Variants in FAF1 observed in about 807,000 individuals in gnomAD.
The protein encoded by FAF1 is Fas associated factor 1.
FAF1 carries 25 observed loss-of-function variants against 92.5 expected under a neutral mutation model. The ratio of observed to expected loss-of-function variants is 0.27; its 90% confidence interval spans 0.20 to 0.38. The LOEUF is 0.38. FAF1 is among the 10% of genes least tolerant of loss of function. The pLI is 1.00. For synonymous variants in FAF1, 234 were observed against 273.2 expected, an observed-to-expected ratio of 0.86 and a Z score of 1.42; for missense variants, 636 against 793.3, an observed-to-expected ratio of 0.80 and a Z score of 2.38.
intron 8 of FAF1, among the ~76,000 whole-genome samples, chr1:50,600,328 A>G (rs1187652691): frequency 1.3e-5 from 2 of 152,190 alleles, no homozygotes; most frequent in African/African-American, 2.4e-5. Flanking sequence ...CAAGACCAAT[A>G]TTCTCCAAAT....
At chr1:50,656,556 T>C (rs1655121841) in intron 7 of FAF1, among the ~76,000 whole-genome samples, 2 of 152,076 alleles carry the variant, frequency 1.3e-5, no homozygotes, top group Non-Finnish European at 2.9e-5. Flanking sequence ...CAGAATAAAG[T>C]GTTGGAAGGT....
chr1:50,758,074 T>C (rs2124521728), intron 4 of FAF1, among the ~76,000 whole-genome samples: 1 of 152,274 alleles, frequency 6.6e-6, no homozygotes. Context: ...CATGCTACCA[T>C]GTCCAGCTAA....
chr1:50,496,382 AGTAT>A (rs1478700904), intron 15 of FAF1, among the ~76,000 whole-genome samples: 4 of 152,240 alleles, frequency 2.6e-5, no homozygotes, highest in African/African-American at 9.6e-5. Context: ...AAACATAACA[AGTAT>A]GTTCAAAAGC....
chr1:50,784,066 C>T (rs1661276018), intron 4 of FAF1, among the ~76,000 whole-genome samples: 2 of 152,154 alleles, frequency 1.3e-5, no homozygotes, highest in Middle Eastern at 3.4e-3. Context: ...ATATGAAAGT[C>T]CCACAGCTAA....
At position 50,439,797 on chromosome 1, in the gene FAF1, T is replaced by C. The variant is rs1452787694; in HGVS notation, c.*1643A>G. The C allele has an allele frequency of 6.6e-6, 1 of 152,134 alleles. No homozygotes were observed. The highest frequency in any genetic ancestry group is 1.5e-5 in the Non-Finnish European group (1 of 68,018). The allele number at this position is 152,134 out of a possible 1,614,324, so 9.4% of individuals were successfully genotyped here. On this transcript the variant is annotated 3_prime_UTR_variant, in exon 19 of 19. Coordinates refer to ENST00000396153, the MANE Select transcript of FAF1 (RefSeq NM_007051.3). ...AGATAGGAATAGAGCTGGAGAGAAGTGTTCAGTTTGAACTCCCCTGAACAC... is the reference window on the plus strand; with the variant it reads ...AGATAGGAATAGAGCTGGAGAGAAGCGTTCAGTTTGAACTCCCCTGAACAC...
chr1:50,631,297 G>C (rs893919251), intron 8 of FAF1, among the ~76,000 whole-genome samples: 2 of 152,078 alleles, frequency 1.3e-5, no homozygotes, highest in African/African-American at 4.8e-5. Context: ...GTTTTAAATT[G>C]CATGCCATAC....
intron 17 of FAF1, among the ~76,000 whole-genome samples, chr1:50,480,156 TC>T (rs1371766113): frequency 5.3e-5 from 8 of 152,174 alleles, no homozygotes; most frequent in African/African-American, 1.9e-4. Flanking sequence ...TACTTTTTTT[TC>T]TACTAAAAAT....
intron 8 of FAF1, among the ~76,000 whole-genome samples, chr1:50,615,814 T>C (rs1652889910): frequency 6.6e-6 from 1 of 152,196 alleles, no homozygotes; most frequent in Non-Finnish European, 1.5e-5. Context: ...TGTCATTTAC[T>C]CCGTCAATAG....
chr1:50,772,982 A>AGG (rs1660825670), intron 4 of FAF1, among the ~76,000 whole-genome samples: 1 of 152,234 alleles, frequency 6.6e-6, no homozygotes, highest in Non-Finnish European at 1.5e-5. Flanking sequence ...GGCAAAGACT[A>AGG]CAAGACAATG....
At chr1:50,789,966 C>G (rs574362410) in intron 3 of FAF1, among the ~76,000 whole-genome samples, 22 of 152,154 alleles carry the variant, frequency 1.4e-4, no homozygotes, top group Non-Finnish European at 2.9e-4. Context: ...CCATCCACTT[C>G]TATCTTTCTT....
intron 8 of FAF1, among the ~76,000 whole-genome samples, chr1:50,597,398 C>G (rs1249161252): frequency 1.4e-5 from 2 of 147,758 alleles, no homozygotes; most frequent in African/African-American, 5.0e-5. Context: ...CAATGTCAAC[C>G]AAAAAGAAAA....
At chr1:50,447,789 T>C (rs1202383442) in intron 18 of FAF1, among the ~76,000 whole-genome samples, 2 of 152,184 alleles carry the variant, frequency 1.3e-5, no homozygotes, top group Admixed American at 6.5e-5. Context: ...TCTCCAAGCT[T>C]TAGGAAATCC....
At chr1:50,910,118 G>C (rs1320847350) in intron 1 of FAF1, among the ~76,000 whole-genome samples, 2 of 152,200 alleles carry the variant, frequency 1.3e-5, no homozygotes, top group African/African-American at 4.8e-5. Flanking sequence ...ACCCTCAGTT[G>C]CAAGTCTGTT....
At chr1:50,690,551 A>T (rs1452940333) in intron 7 of FAF1, among the ~76,000 whole-genome samples, 1 of 152,170 alleles carries the variant, frequency 6.6e-6, no homozygotes, top group Non-Finnish European at 1.5e-5. Context: ...CAGTGAGCTG[A>T]GATCGTGCCA....
chr1:50,546,746 TAAG>T (rs1400320132), intron 13 of FAF1, among the ~76,000 whole-genome samples: 1 of 152,284 alleles, frequency 6.6e-6, no homozygotes, highest in Middle Eastern at 3.4e-3. Context: ...GATATGGGTT[TAAG>T]AAGGAGACTT....
chr1:50,552,224 G>A (rs1649340863), intron 13 of FAF1, among the ~76,000 whole-genome samples: 1 of 151,740 alleles, frequency 6.6e-6, no homozygotes, highest in Non-Finnish European at 1.5e-5. Flanking sequence ...TTGAACCCGG[G>A]AGGTGGAGGT....
chr1:50,766,521 A>G (rs991032793), intron 4 of FAF1, among the ~76,000 whole-genome samples: 13 of 152,092 alleles, frequency 8.5e-5, no homozygotes. Context: ...GCTGCCACCA[A>G]GAGACTGGGA....
intron 17 of FAF1, among the ~76,000 whole-genome samples, chr1:50,481,520 C>T (rs995322877): frequency 1.3e-5 from 2 of 152,160 alleles, no homozygotes; most frequent in Non-Finnish European, 1.5e-5. Flanking sequence ...ACAGGTTATA[C>T]CATATAATAG....
chr1:50,639,952 AG>A (rs1654242601), intron 8 of FAF1, among the ~76,000 whole-genome samples: 2 of 151,112 alleles, frequency 1.3e-5, no homozygotes, highest in African/African-American at 2.4e-5. Context: ...AAAAAAAAAA[AG>A]TAACAGCTTT....
Sources: allele counts gnomAD v4.1 joint callset (sites outside exome capture counted in the v4.1 genomes callset), GRCh38; gene constraint gnomAD v4.1.1; transcripts MANE v1.5; gene names NCBI Gene and HGNC (gene_info 2026-07-23, HGNC 2026-07-21).